The following CD93 variants were observed in gnomAD, a reference collection of about 807,000 sequenced individuals.
The protein encoded by CD93 is complement component C1q receptor.
A neutral mutation model predicts 45.5 loss-of-function variants in CD93; 44 were observed. That is an observed-to-expected ratio of 0.97 (90% CI 0.76 to 1.24). The LOEUF is 1.24. Ranked by LOEUF, CD93 falls within the 50% of genes most tolerant of loss-of-function variation. The probability of loss-of-function intolerance (pLI) is 0.00; values close to 1 mark genes in which losing one functional copy is unlikely to be tolerated. For missense variants in CD93, 918 were observed against 844.5 expected, an observed-to-expected ratio of 1.09 and a Z score of -1.08; for synonymous variants, 431 against 370.8, an observed-to-expected ratio of 1.16 and a Z score of -1.87.
In CD93 at chr20:23,082,372, A is replaced by G. The variant is rs1985346352; in HGVS notation, c.*1578T>C. On this transcript the variant is annotated 3_prime_UTR_variant, in exon 2 of 2. Coordinates refer to ENST00000246006, the MANE Select transcript of CD93 (RefSeq NM_012072.4). ...TTTCTCTGAGGCTTTGGGGCCTTGG[A>G]GGGAGACACATTTCCTCTGTCTGTT... is the stretch of plus-strand genomic sequence containing the variant. The G allele has an allele frequency of 6.6e-6, 1 of 152,158 alleles. No homozygotes were observed. Among genetic ancestry groups the G allele is most frequent in the African/African-American group, 2.4e-5 (1 of 41,422 alleles). The allele number at this position is 152,158 out of a possible 1,614,324, so 9.4% of individuals were successfully genotyped here.
In CD93 at chr20:23,080,068, C is replaced by T. The variant is rs548498070; in HGVS notation, c.*3882G>A. On this transcript the variant is annotated 3_prime_UTR_variant, in exon 2 of 2. Coordinates refer to ENST00000246006, the MANE Select transcript of CD93 (RefSeq NM_012072.4). Reference sequence around the variant, plus strand: ...TTTCTGGGATCATATCTCAGATTCCCAAGCTAAAGCTATTGTTCAAGGTGA... The same window carrying T: ...TTTCTGGGATCATATCTCAGATTCCTAAGCTAAAGCTATTGTTCAAGGTGA... 5.2e-5 allele frequency: 8 copies of T among 152,402 alleles called. No homozygotes were observed. The highest frequency in any genetic ancestry group is 1.9e-4 in the African/African-American group (8 of 41,506). 9.4% of individuals were successfully genotyped at this position (152,402 alleles called of 1,614,324 possible).
At position 23,079,516 on chromosome 20, in the gene CD93, T is replaced by C. The variant is rs904145744; in HGVS notation, c.*4434A>G. On this transcript the variant is annotated 3_prime_UTR_variant, in exon 2 of 2. Coordinates refer to ENST00000246006, the MANE Select transcript of CD93 (RefSeq NM_012072.4). ...TTCCCTCCTCACAGTTTGGGAAACA[T>C]GCACAGGATGAAGGTAAATCCTGCA... 1 of 152,214 alleles carries C rather than the reference T, an allele frequency of 6.6e-6. No homozygotes were observed. The highest frequency in any genetic ancestry group is 1.9e-4 in the East Asian group (1 of 5,196). The allele number at this position is 152,214 out of a possible 1,614,324, so 9.4% of individuals were successfully genotyped here. A position where few individuals can be genotyped will look rare whatever the true frequency, so the allele number is the denominator to read the frequency against.
Position 23,084,450 on chromosome 20 carries a change from C to G in CD93, c.1743G>C (p.Leu581=). The part of the protein sequence containing the change: ...QNNDGTDGQK[L]LLFYILGTVV... ...CGGTGCCTAGGATGTAGAATAAAAG[C>G]AGCTTTTGCCCGTCAGTGCCATCGT... Residue 581 remains leucine (L), a synonymous_variant, in exon 1 of 2, where the codon CTG becomes CTC. Coordinates refer to ENST00000246006, the MANE Select transcript of CD93 (RefSeq NM_012072.4). The G allele has an allele frequency of 1.2e-6, 2 of 1,614,232 alleles. No homozygotes were observed. The highest frequency in any genetic ancestry group is 1.7e-6 in the Non-Finnish European group (2 of 1,180,056).
chr20:23,084,227 C>T (rs1985405247), intron 1 of CD93, 32 bp downstream of exon 1: 1 of 1,605,156 alleles, frequency 6.2e-7, no homozygotes, highest in Non-Finnish European at 8.5e-7. Flanking sequence ...GCCTGCCCAT[C>T]CCCTCCCCCG....
chr20:23,084,733 C>T lies in CD93; in HGVS notation c.1460G>A (p.Gly487Glu). ...GGGCACGGTGCTCCCTTCTTTCTCT[C>T]CTTTGTCCTCCTCATCGGGGGGCCC... is the stretch of plus-strand genomic sequence containing the variant. ...PSGPPDEEDK[G>E]EKEGSTVPRA... The change falls in exon 1 of 2, where the codon GGA (glycine) becomes GAA (glutamate). Residue 487 changes from glycine (G) to glutamate (E), a missense_variant. Transcript: ENST00000246006. 1.9e-6 allele frequency: 3 copies of T among 1,605,722 alleles called. No individual in the cohort carries two copies.
At position 23,085,116 on chromosome 20, in the gene CD93, G is replaced by A; in HGVS notation, c.1077C>T (p.Val359=). 3.1e-6 allele frequency: 5 copies of A among 1,596,092 alleles called. No homozygotes were observed. The South Asian group carries it at 3.4e-5, about 11-fold the overall frequency. The change falls in exon 1 of 2, where the codon GTC becomes GTT. Residue 359 remains valine (V), a synonymous_variant. Coordinates refer to ENST00000246006, the MANE Select transcript of CD93 (RefSeq NM_012072.4). ...CQDSPCAQEC[V]NTPGGFRCEC... is the part of the protein sequence containing the mutation. ...CGCAGCGGAAGCCCCCAGGGGTGTT[G>A]ACACACTCCTGGGCACAGGGGGAGT...
At position 23,085,831 on chromosome 20, in the gene CD93, T is replaced by TTGGGCCCCCCC; in HGVS notation, c.361_362insGGGGGGGCCCA (p.Glu121GlyfsTer83). On this transcript the variant is annotated frameshift_variant, in exon 1 of 2. Transcript: ENST00000246006. LOFTEE classifies it high-confidence loss of function. ...GTGCCAGTTAGAGTAAGGCGTGTCC[T>TTGGGCCCCCCC]CCCCCCCGCCCACCCAGCTGAAGCC... 2.0e-6 allele frequency: 3 copies of TTGGGCCCCCCC among 1,491,268 alleles called. No homozygotes were observed. Among genetic ancestry groups the TTGGGCCCCCCC allele is most frequent in the Non-Finnish European group, 1.8e-6 (2 of 1,097,878 alleles). 92.4% of individuals were successfully genotyped at this position (1,491,268 alleles called of 1,614,324 possible).
At position 23,079,489 on chromosome 20, in the gene CD93, C is replaced by A. The variant is rs1432426886; in HGVS notation, c.*4461G>T. On this transcript the variant is annotated 3_prime_UTR_variant, in exon 2 of 2. Transcript: ENST00000246006. ...TCAGAGGAGAAGCTCGATCTCTGAG[C>A]CTTCCCTCCTCACAGTTTGGGAAAC... The A allele has an allele frequency of 1.3e-5, 2 of 152,198 alleles. No homozygotes were observed. Among genetic ancestry groups the A allele is most frequent in the Non-Finnish European group, 2.9e-5 (2 of 68,034 alleles). The allele number at this position is 152,198 out of a possible 1,614,324, so 9.4% of individuals were successfully genotyped here. A position where few individuals can be genotyped will look rare whatever the true frequency, so the allele number is the denominator to read the frequency against.
rs755364349 is a variant in CD93 at position 23,084,985 on chromosome 20, G to A, written c.1208C>T (p.Thr403Ile). ...ACAGGAGCAGTGAAATGAGCCATCT[G>A]TGTTGGTGCAGCCCTGGGCGCAAGG... ...RSPCAQGCTNTDGSFHCSCEE... is the reference protein window; with the variant it reads ...RSPCAQGCTNIDGSFHCSCEE... Residue 403 changes from threonine to isoleucine, a missense_variant, in exon 1 of 2, where the codon ACA becomes ATA. Physicochemically the swap from Thr to Ile is moderately conservative, Grantham distance 89. Coordinates refer to ENST00000246006, the MANE Select transcript of CD93 (RefSeq NM_012072.4). 6.2e-7 allele frequency: 1 copy of A among 1,613,936 alleles called. No homozygotes were observed. The highest frequency in any genetic ancestry group is 1.7e-5 in the Admixed American group (1 of 60,018).
rs187994007 is a variant in CD93, at chr20:23,083,675, A to T, written c.*275T>A. 2 of 535,476 alleles carry T rather than the reference A, an allele frequency of 3.7e-6. No homozygotes were observed. The highest frequency in any genetic ancestry group is 6.7e-6 in the Non-Finnish European group (2 of 298,106). 33.2% of individuals were successfully genotyped at this position (535,476 alleles called of 1,614,324 possible). ...CACACCCTGATCCGGAATTGGTCACATTGGAATTTGAAAAGGGAGGGGGAG... is the reference window on the plus strand; with the variant it reads ...CACACCCTGATCCGGAATTGGTCACTTTGGAATTTGAAAAGGGAGGGGGAG... On this transcript the variant is annotated 3_prime_UTR_variant, in exon 2 of 2. Coordinates refer to ENST00000246006, the MANE Select transcript of CD93 (RefSeq NM_012072.4).
At position 23,079,719 on chromosome 20, in the gene CD93, A is replaced by T. The variant is rs1985275844; in HGVS notation, c.*4231T>A. 1 of 152,220 alleles carries T rather than the reference A, an allele frequency of 6.6e-6. No individual in the cohort carries two copies. The highest frequency in any genetic ancestry group is 2.1e-4 in the South Asian group (1 of 4,834). 9.4% of individuals were successfully genotyped at this position (152,220 alleles called of 1,614,324 possible). A position where few individuals can be genotyped will look rare whatever the true frequency, so the allele number is the denominator to read the frequency against. ...AGCTTAAGCCAAATCTATGCAAAGA[A>T]CTTCAGCTCAGAGGAATAGTGGGCA... On this transcript the variant is annotated 3_prime_UTR_variant, in exon 2 of 2. Coordinates refer to ENST00000246006, the MANE Select transcript of CD93 (RefSeq NM_012072.4).
rs1414199564 is a variant in CD93 at position 23,083,868 on chromosome 20, G to A, written c.*82C>T. ...TTCCAGTCCAGTCTTTCAAAAAAAT[G>A]TGGGTGCCCCTTTGGAATGGGGAGT... is the stretch of plus-strand genomic sequence containing the variant. On this transcript the variant is annotated 3_prime_UTR_variant, in exon 2 of 2. Transcript: ENST00000246006. The A allele has an allele frequency of 6.2e-6, 8 of 1,296,370 alleles. No homozygotes were observed. The highest frequency in any genetic ancestry group is 9.0e-6 in the Non-Finnish European group (8 of 889,904). 80.3% of individuals were successfully genotyped at this position (1,296,370 alleles called of 1,614,324 possible).
rs1985277581 is a variant in CD93, at chr20:23,079,791, A to G, written c.*4159T>C. The G allele has an allele frequency of 6.6e-6, 1 of 152,122 alleles. No homozygotes were observed. The highest frequency in any genetic ancestry group is 6.6e-5 in the Admixed American group (1 of 15,266). The allele number at this position is 152,122 out of a possible 1,614,324, so 9.4% of individuals were successfully genotyped here. A position where few individuals can be genotyped will look rare whatever the true frequency, so the allele number is the denominator to read the frequency against. Reference sequence around the variant, plus strand: ...TTGCCACCTTGCAGATAAGAGCAACAGCACAATAAAGGGATTCCAGAGCTT... The same window carrying G: ...TTGCCACCTTGCAGATAAGAGCAACGGCACAATAAAGGGATTCCAGAGCTT... On this transcript the variant is annotated 3_prime_UTR_variant, in exon 2 of 2. Coordinates refer to ENST00000246006, the MANE Select transcript of CD93 (RefSeq NM_012072.4).
At chr20:23,084,226 T>G in intron 1 of CD93, 33 bp downstream of exon 1, 2 of 1,604,580 alleles carry the variant, frequency 1.2e-6, no homozygotes, top group Non-Finnish European at 1.7e-6. Context: ...TGCCTGCCCA[T>G]CCCCTCCCCC....
At position 23,079,602 on chromosome 20, in the gene CD93, C is replaced by T. The variant is rs950767211; in HGVS notation, c.*4348G>A. ...TTTGAAATACACACATTTAAAAATACTTACATTCTCATTTAGCATTCATGA... is the reference window on the plus strand; with the variant it reads ...TTTGAAATACACACATTTAAAAATATTTACATTCTCATTTAGCATTCATGA... On this transcript the variant is annotated 3_prime_UTR_variant, in exon 2 of 2. Transcript: ENST00000246006. 6.6e-6 allele frequency: 1 copy of T among 152,192 alleles called. No homozygotes were observed. Among genetic ancestry groups the T allele is most frequent in the African/African-American group, 2.4e-5 (1 of 41,452 alleles). 9.4% of individuals were successfully genotyped at this position (152,192 alleles called of 1,614,324 possible).
At position 23,084,461 on chromosome 20, in the gene CD93, C is replaced by A. The variant is rs781710486; in HGVS notation, c.1732G>T (p.Gly578Trp). 5 of 1,614,218 alleles carry A rather than the reference C, an allele frequency of 3.1e-6. No homozygotes were observed. Among genetic ancestry groups the A allele is most frequent in the Admixed American group, 3.3e-5 (2 of 60,030 alleles). The part of the protein sequence containing the change: ...VATQNNDGTD[G>W]QKLLLFYILG... Reference sequence around the variant, plus strand: ...ATGTAGAATAAAAGCAGCTTTTGCCCGTCAGTGCCATCGTTGTTTTGTGTG... The same window carrying A: ...ATGTAGAATAAAAGCAGCTTTTGCCAGTCAGTGCCATCGTTGTTTTGTGTG... Residue 578 changes from glycine to tryptophan, a missense_variant, in exon 1 of 2, where the codon GGG becomes TGG. Gly to Trp is a radical substitution (Grantham distance 184, BLOSUM62 -2). Coordinates refer to ENST00000246006, the MANE Select transcript of CD93 (RefSeq NM_012072.4).
Position 23,084,292 on chromosome 20 carries a change from C to T in CD93, c.1901G>A (p.Arg634Gln), listed in dbSNP as rs377312437. 10 of 1,613,996 alleles carry T rather than the reference C, an allele frequency of 6.2e-6. No homozygotes were observed. Among genetic ancestry groups the T allele is most frequent in the Middle Eastern group, 1.6e-4 (1 of 6,082 alleles). ...GTTCTCCATGGCCCTGCTCTCAGCTCGCTCTGGAACCCAGGAGTAACTGTC... is the reference window on the plus strand; with the variant it reads ...GTTCTCCATGGCCCTGCTCTCAGCTTGCTCTGGAACCCAGGAGTAACTGTC... ...AADSYSWVPE[R>Q]AESRAMENQY... Residue 634 changes from arginine to glutamine, a missense_variant, in exon 1 of 2, where the codon CGA becomes CAA. Physicochemically the swap from Arg to Gln is conservative, Grantham distance 43. Transcript: ENST00000246006.
In CD93 at chr20:23,084,400, G is replaced by A; in HGVS notation, c.1793C>T (p.Ala598Val). Residue 598 changes from alanine (A) to valine (V), a missense_variant, in exon 1 of 2, where the codon GCC becomes GTC. Coordinates refer to ENST00000246006, the MANE Select transcript of CD93 (RefSeq NM_012072.4). Reference sequence around the variant, plus strand: ...ATAGACCAGTAGCCCCAGAGCCAGGGCCAGCAGGAGTAGGATGGCCACCAC... The same window carrying A: ...ATAGACCAGTAGCCCCAGAGCCAGGACCAGCAGGAGTAGGATGGCCACCAC... ...GTVVAILLLLALALGLLVYRK... is the reference protein window; with the variant it reads ...GTVVAILLLLVLALGLLVYRK... 2 of 1,614,230 alleles carry A rather than the reference G, an allele frequency of 1.2e-6. No individual in the cohort carries two copies. Among genetic ancestry groups the A allele is most frequent in the South Asian group, 1.1e-5 (1 of 91,088 alleles).
In CD93 at chr20:23,084,240, CACTCAGGGCCCCCTTT is replaced by C; in HGVS notation, c.1934+3_1934+18del. The C allele has an allele frequency of 6.2e-7, 1 of 1,609,970 alleles. No individual in the cohort carries two copies. ...ATGCCTGCCCATCCCCTCCCCCGGT[CACTCAGGGCCCCCTTT>C]ACCTGTACTGGTTCTCCATGGCCCT... On this transcript the variant is annotated splice_donor_5th_base_variant and intron_variant, in intron 1 of 1. Coordinates refer to ENST00000246006, the MANE Select transcript of CD93 (RefSeq NM_012072.4).
Sources: gnomAD v4.1 joint callset for allele counts on GRCh38, gnomAD v4.1.1 for gene constraint, MANE v1.5 for transcripts, NCBI Gene and HGNC (gene_info 2026-07-23, HGNC 2026-07-21) for gene names.